CNNM2: variants seen among roughly 807,000 people sequenced by gnomAD.
CNNM2 encodes metal transporter CNNM2.
Under a neutral mutation model 66.9 loss-of-function variants are expected in CNNM2, and 12 were observed. The ratio of observed to expected loss-of-function variants is 0.18; its 90% CI spans 0.11 to 0.29. The LOEUF (loss-of-function observed/expected upper bound fraction) is 0.29, where lower values mean the gene tolerates loss of function less well. Ranked by LOEUF, CNNM2 falls within the 10% of genes least tolerant of loss-of-function variation. The pLI is 1.00. For synonymous variants in CNNM2, 557 were observed against 501.8 expected (o/e 1.11, Z -1.47); for missense variants, 705 against 1,167.7 (o/e 0.60, Z 5.77).
intron 1 of CNNM2, among the ~76,000 whole-genome samples, chr10:102,980,532 G>C (rs1394054869): frequency 6.6e-6 from 1 of 152,090 alleles, no homozygotes; most frequent in African/African-American, 2.4e-5. Flanking sequence ...GGGCTCCAGA[G>C]TGGTGGGATT....
chr10:103,080,401 A>C lies in CNNM2; in HGVS notation c.*3221A>C, dbSNP rs1251183623. 6.6e-6 allele frequency: 1 copy of C among 152,210 alleles called. No individual in the cohort carries two copies. The highest frequency in any genetic ancestry group is 1.5e-5 in the Non-Finnish European group (1 of 68,038). 9.4% of individuals were successfully genotyped at this position (152,210 alleles called of 1,614,324 possible). A position where few individuals can be genotyped will look rare whatever the true frequency, so the allele number is the denominator to read the frequency against. On this transcript the variant is annotated 3_prime_UTR_variant, in exon 8 of 8. Transcript: ENST00000369878. ...ATGCGTCAGGCAAATTCAAAATCATACATTTAAACTCTTAGGAAAACAAAA... is the reference window on the plus strand; with the variant it reads ...ATGCGTCAGGCAAATTCAAAATCATCCATTTAAACTCTTAGGAAAACAAAA...
chr10:102,986,647 G>T (rs929884924), intron 1 of CNNM2, among the ~76,000 whole-genome samples: 1 of 151,818 alleles, frequency 6.6e-6, no homozygotes, highest in Admixed American at 6.6e-5. Flanking sequence ...GGGCATGGTG[G>T]CAGGTACCTG....
At chr10:102,976,445 TTTTTTTG>T (rs2063631083) in intron 1 of CNNM2, among the ~76,000 whole-genome samples, 1 of 122,042 alleles carries the variant, frequency 8.2e-6, no homozygotes, top group Admixed American at 8.3e-5. Flanking sequence ...TTTTTTTTTT[TTTTTTTG>T]AGATGGAATC....
In CNNM2 at chr10:103,032,066, G is replaced by A. The variant is rs573004739; in HGVS notation, c.1622-17641G>A. 7.2e-5 allele frequency among the ~76,000 whole-genome samples: 11 copies of A among 152,312 alleles called. No individual in the cohort carries two copies. The East Asian group carries it at 2.1e-3, about 29-fold the overall frequency. On this transcript the variant is annotated intron_variant, in intron 1 of 7. Transcript: ENST00000369878. ...GTGAGCACTGGGGCCTAGGGGGTTG[G>A]AAGTGGCTTTTTAGAGGTGTCCAAC...
At chr10:102,995,889 G>A (rs909423428) in intron 1 of CNNM2, among the ~76,000 whole-genome samples, 14 of 151,812 alleles carry the variant, frequency 9.2e-5, no homozygotes, top group African/African-American at 2.9e-4. Flanking sequence ...TAGTAGAGAT[G>A]GGGTTTCTCC....
chr10:102,988,505 A>G (rs996695426), intron 1 of CNNM2, among the ~76,000 whole-genome samples: 1 of 152,084 alleles, frequency 6.6e-6, no homozygotes, highest in Non-Finnish European at 1.5e-5. Flanking sequence ...AAGTTTTGAC[A>G]TGTCATTTTA....
chr10:102,922,585 C>T (rs951474043), intron 1 of CNNM2, among the ~76,000 whole-genome samples: 6 of 152,112 alleles, frequency 3.9e-5, no homozygotes, highest in African/African-American at 1.4e-4. Flanking sequence ...AAACAAACAA[C>T]CCCAACAATA....
Position 103,077,132 on chromosome 10 carries a change from G to T in CNNM2, c.2580G>T (p.Val860=). The change falls in exon 8 of 8, where the codon GTG becomes GTT. Residue 860 remains valine, a synonymous_variant. Coordinates refer to ENST00000369878, the MANE Select transcript of CNNM2 (RefSeq NM_017649.5). ...TANLLNEQNC[V]THSKANHSLH... ...ACCTGCTCAACGAACAGAACTGTGT[G>T]ACGCACAGTAAGGCCAACCACAGCC... is the stretch of plus-strand genomic sequence containing the variant. 1.9e-6 allele frequency: 3 copies of T among 1,613,930 alleles called. No individual in the cohort carries two copies. The highest frequency in any genetic ancestry group is 2.5e-6 in the Non-Finnish European group (3 of 1,179,900).
chr10:102,976,459 A>G (rs2063631832), intron 1 of CNNM2, among the ~76,000 whole-genome samples: 1 of 101,342 alleles, frequency 9.9e-6, no homozygotes, highest in South Asian at 3.2e-4. Context: ...TTTGAGATGG[A>G]ATCTTGCTCT....
At chr10:103,021,378 ATG>A (rs1370174421) in intron 1 of CNNM2, among the ~76,000 whole-genome samples, 2 of 152,042 alleles carry the variant, frequency 1.3e-5, no homozygotes, top group Non-Finnish European at 2.9e-5. Flanking sequence ...GTCCCGTCGA[ATG>A]TGTGTGTGTG....
intron 1 of CNNM2, among the ~76,000 whole-genome samples, chr10:102,930,988 T>G (rs1449311734): frequency 1.3e-5 from 2 of 152,226 alleles, no homozygotes; most frequent in African/African-American, 2.4e-5. Flanking sequence ...TAATAATGAT[T>G]CTATGAACAT....
chr10:103,030,796 A>G (rs1382202287), intron 1 of CNNM2, among the ~76,000 whole-genome samples: 1 of 152,222 alleles, frequency 6.6e-6, no homozygotes, highest in South Asian at 2.1e-4. Flanking sequence ...GCCGGATGAA[A>G]CTAGAGGGAA....
chr10:102,994,255 TC>T (rs1260211058), intron 1 of CNNM2, among the ~76,000 whole-genome samples: 2 of 152,194 alleles, frequency 1.3e-5, no homozygotes, highest in Non-Finnish European at 2.9e-5. Context: ...TAACTTCTAC[TC>T]CTTACTTGAT....
intron 1 of CNNM2, among the ~76,000 whole-genome samples, chr10:103,030,833 G>A (rs900010521): frequency 1.1e-4 from 16 of 152,358 alleles, no homozygotes; most frequent in African/African-American, 3.8e-4. Context: ...GACTTTCACA[G>A]TTTCACATTT....
At chr10:102,941,780 T>C (rs566234413) in intron 1 of CNNM2, among the ~76,000 whole-genome samples, 28 of 152,330 alleles carry the variant, frequency 1.8e-4, no homozygotes, top group Admixed American at 1.7e-3. Flanking sequence ...ATCTTATTCA[T>C]CTTTTTTCTT....
At chr10:103,007,481 G>A (rs1045454022) in intron 1 of CNNM2, among the ~76,000 whole-genome samples, 6 of 152,048 alleles carry the variant, frequency 3.9e-5, no homozygotes, top group East Asian at 1.9e-4. Flanking sequence ...TCTCAACCAC[G>A]TAAGACAGAC....
At chr10:103,072,278 G>C (rs1316475867) in intron 6 of CNNM2, among the ~76,000 whole-genome samples, 1 of 152,208 alleles carries the variant, frequency 6.6e-6, no homozygotes, top group Non-Finnish European at 1.5e-5. Flanking sequence ...AAAGGCCTGA[G>C]AGCTGTGAAC....
chr10:102,935,749 C>T (rs1335623401), intron 1 of CNNM2, among the ~76,000 whole-genome samples: 1 of 144,712 alleles, frequency 6.9e-6, no homozygotes, highest in East Asian at 2.0e-4. Context: ...TAGCTGTGAT[C>T]ACAGGCACAC....
chr10:102,939,716 C>T (rs1021911161), intron 1 of CNNM2, among the ~76,000 whole-genome samples: 19 of 152,096 alleles, frequency 1.2e-4, no homozygotes, highest in African/African-American at 3.4e-4. Context: ...CAGTGGCTCA[C>T]GCCTGTAATC....
Sources: gnomAD v4.1 joint callset for allele counts (sites outside exome capture counted in the v4.1 genomes callset) on GRCh38, gnomAD v4.1.1 for gene constraint, MANE v1.5 for transcripts, NCBI Gene and HGNC (gene_info 2026-07-23, HGNC 2026-07-21) for gene names.